OPCML: variants seen among roughly 807,000 people sequenced by gnomAD.
OPCML encodes opioid binding protein/cell adhesion molecule like.
In OPCML, 13 loss-of-function variants were observed where a neutral mutation model predicts 37.8. That is an observed-to-expected ratio of 0.34 (90% confidence interval 0.22 to 0.55). The LOEUF (loss-of-function observed/expected upper bound fraction) is 0.55. Ranked by LOEUF, OPCML falls within the 20% of genes least tolerant of loss-of-function variation. The probability of loss-of-function intolerance (pLI) is 0.91; values close to 1 mark genes in which losing one functional copy is unlikely to be tolerated. For missense variants in OPCML, 341 were observed against 435.6 expected (o/e 0.78, Z 1.93); for synonymous variants, 176 against 168.8 (o/e 1.04, Z -0.33).
At chr11:133,021,481 G>T (rs140169314) in intron 1 of OPCML, among the ~76,000 whole-genome samples, 1 of 152,172 alleles carries the variant, frequency 6.6e-6, no homozygotes, top group East Asian at 1.9e-4. Context: ...GGTCAGCATG[G>T]TTGTACGTAA....
intron 3 of OPCML, among the ~76,000 whole-genome samples, chr11:132,625,043 C>G (rs1591639265): frequency 6.6e-6 from 1 of 152,088 alleles, no homozygotes; most frequent in East Asian, 1.9e-4. Flanking sequence ...CTTGTTCCCC[C>G]CAAAATAATA....
chr11:132,623,759 C>T (rs1939570662), intron 3 of OPCML, among the ~76,000 whole-genome samples: 1 of 152,284 alleles, frequency 6.6e-6, no homozygotes, highest in East Asian at 1.9e-4. Context: ...GGTTGAAATA[C>T]ATTAAGATGA....
chr11:132,953,155 CATT>C (rs1227352241), intron 1 of OPCML, among the ~76,000 whole-genome samples: 1 of 152,134 alleles, frequency 6.6e-6, no homozygotes, highest in Non-Finnish European at 1.5e-5. Context: ...CTCTGTCTCT[CATT>C]AGAATTGCAA....
At chr11:133,472,935 C>T (rs758290900) in intron 1 of OPCML, among the ~76,000 whole-genome samples, 2 of 152,070 alleles carry the variant, frequency 1.3e-5, no homozygotes, top group Non-Finnish European at 2.9e-5. Context: ...CAGCGCCCAA[C>T]CCCACCTGCC....
chr11:133,310,068 C>T (rs935451912), intron 1 of OPCML, among the ~76,000 whole-genome samples: 12 of 151,972 alleles, frequency 7.9e-5, no homozygotes, highest in Admixed American at 4.6e-4. Flanking sequence ...GTTAGAGACA[C>T]GAAGATGGAT....
chr11:133,424,688 G>C (rs1945964438), intron 1 of OPCML, among the ~76,000 whole-genome samples: 1 of 152,104 alleles, frequency 6.6e-6, no homozygotes, highest in Admixed American at 6.6e-5. Context: ...TTCATCTTTT[G>C]TTCGTGTCTT....
chr11:133,068,242 G>T (rs1194195574), intron 1 of OPCML: 1 of 152,158 alleles, frequency 6.6e-6, no homozygotes, highest in African/African-American at 2.4e-5. Context: ...CTGGTTTATT[G>T]GGAATAGAGC....
At chr11:133,048,775 C>T (rs1215446863) in intron 1 of OPCML, among the ~76,000 whole-genome samples, 1 of 152,190 alleles carries the variant, frequency 6.6e-6, no homozygotes, top group Admixed American at 6.5e-5. Flanking sequence ...AGGTCTGGAA[C>T]TCTGTCTTCT....
At chr11:132,899,517 G>A (rs760019760) in intron 2 of OPCML, among the ~76,000 whole-genome samples, 13 of 152,148 alleles carry the variant, frequency 8.5e-5, no homozygotes, top group East Asian at 1.9e-4. Context: ...CACCACGTTA[G>A]GTGGAACTAT....
chr11:133,186,807 T>A (rs1197352830), intron 1 of OPCML, among the ~76,000 whole-genome samples: 1 of 152,216 alleles, frequency 6.6e-6, no homozygotes, highest in African/African-American at 2.4e-5. Flanking sequence ...CACAGCCTGC[T>A]GACTGGTGCT....
intron 1 of OPCML, among the ~76,000 whole-genome samples, chr11:133,331,114 C>G (rs934442333): frequency 1.3e-5 from 2 of 152,086 alleles, no homozygotes; most frequent in African/African-American, 4.8e-5. Context: ...ACTCATGAGC[C>G]TTTGTGTTGC....
intron 1 of OPCML, among the ~76,000 whole-genome samples, chr11:133,507,984 A>C (rs77394956): frequency 6.6e-6 from 1 of 152,056 alleles, no homozygotes; most frequent in Non-Finnish European, 1.5e-5. Flanking sequence ...CTCAGAGCCA[A>C]TAATGCAAGC....
At chr11:132,502,725 G>T (rs2096248194) in intron 4 of OPCML, among the ~76,000 whole-genome samples, 1 of 152,132 alleles carries the variant, frequency 6.6e-6, no homozygotes, top group Non-Finnish European at 1.5e-5. Flanking sequence ...TGTGAAAATG[G>T]CTGGGAGATG....
At chr11:133,420,469 T>C (rs1260350523) in intron 1 of OPCML, 1 of 985,140 alleles carries the variant, frequency 1.0e-6, no homozygotes, top group African/African-American at 1.7e-5. Flanking sequence ...TCTCGTATGC[T>C]TCTTCTTCTT....
At chr11:132,761,961 CT>C (rs1279028911) in intron 2 of OPCML, among the ~76,000 whole-genome samples, 1 of 152,188 alleles carries the variant, frequency 6.6e-6, no homozygotes, top group East Asian at 1.9e-4. Flanking sequence ...TACCTCTGGT[CT>C]TTGATGTTGG....
At chr11:133,508,746 C>G (rs7110247) in intron 1 of OPCML, among the ~76,000 whole-genome samples, 25,881 of 152,174 alleles carry the variant, frequency 0.17, 5,433 homozygotes, top group African/African-American at 0.5. Flanking sequence ...CCTGTGTCAG[C>G]AGCCTTGTCC....
rs527905708 is a variant in OPCML at position 133,241,357 on chromosome 11, A to G, written c.61+290907T>C. Among the ~76,000 whole-genome samples, 8 of 152,362 alleles carry G rather than the reference A, an allele frequency of 5.3e-5. No individual in the cohort carries two copies. In the East Asian group the frequency reaches 1.4e-3, roughly 26 times the overall value. ...AAAATGAATTCATGTACAAAAATAAATAAATGAAACCAGATTCCTAAGATC... is the reference window on the plus strand; with the variant it reads ...AAAATGAATTCATGTACAAAAATAAGTAAATGAAACCAGATTCCTAAGATC... On this transcript the variant is annotated intron_variant, in intron 1 of 7. Coordinates refer to ENST00000524381, the MANE Select transcript of OPCML (RefSeq NM_001012393.5).
chr11:132,450,629 G>A (rs1266978469), intron 4 of OPCML, among the ~76,000 whole-genome samples: 2 of 151,860 alleles, frequency 1.3e-5, no homozygotes, highest in Admixed American at 6.6e-5. Context: ...AGTAAGTCAC[G>A]AAATTAATGT....
intron 2 of OPCML, among the ~76,000 whole-genome samples, chr11:132,682,060 G>T (rs1278442308): frequency 1.3e-5 from 2 of 152,158 alleles, no homozygotes; most frequent in African/African-American, 4.8e-5. Context: ...GTGCCCTCTG[G>T]GGCTTCAGGG....
Sources: gnomAD v4.1 joint callset for allele counts (sites outside exome capture counted in the v4.1 genomes callset) on GRCh38, gnomAD v4.1.1 for gene constraint, MANE v1.5 for transcripts, NCBI Gene and HGNC (gene_info 2026-07-23, HGNC 2026-07-21) for gene names.